The following RSRC1 variants were observed in gnomAD, a reference collection of about 807,000 sequenced individuals.
RSRC1 encodes serine/Arginine-related protein 53.
Under a neutral mutation model 49.1 loss-of-function variants are expected in RSRC1, and 39 were observed. The observed-to-expected ratio is 0.79, with a 90% confidence interval of 0.61 to 1.04. The LOEUF is 1.04. Ranked by LOEUF, RSRC1 falls within the 50% of genes least tolerant of loss-of-function variation. RSRC1 has a pLI of 0.00. For synonymous variants in RSRC1, 143 were observed against 130.8 expected, an observed-to-expected ratio of 1.09 and a Z score of -0.63; for missense variants, 388 against 402.4, an observed-to-expected ratio of 0.96 and a Z score of 0.31.
At chr3:158,344,236 C>G (rs1730424222) in intron 5 of RSRC1, among the ~76,000 whole-genome samples, 1 of 151,886 alleles carries the variant, frequency 6.6e-6, no homozygotes, top group Admixed American at 6.6e-5. Flanking sequence ...TTCAGCCTAG[C>G]CGACAGAGCA....
At chr3:158,466,321 A>G (rs1326218332) in intron 7 of RSRC1, among the ~76,000 whole-genome samples, 1 of 152,202 alleles carries the variant, frequency 6.6e-6, no homozygotes, top group African/African-American at 2.4e-5. Context: ...TGTACATGAA[A>G]TGCAGATATA....
intron 3 of RSRC1, among the ~76,000 whole-genome samples, chr3:158,200,601 T>G (rs977993438): frequency 1.2e-4 from 18 of 152,154 alleles, no homozygotes; most frequent in African/African-American, 3.4e-4. Context: ...TAATGAGTAT[T>G]TTTAATAATT....
chr3:158,321,258 T>C (rs1178383695), intron 5 of RSRC1, among the ~76,000 whole-genome samples: 1 of 140,420 alleles, frequency 7.1e-6, no homozygotes, highest in Non-Finnish European at 1.5e-5. Context: ...TTCCTTCTTC[T>C]TCTTTTTCTT....
chr3:158,337,216 C>T (rs1411174283), intron 5 of RSRC1, among the ~76,000 whole-genome samples: 1 of 152,216 alleles, frequency 6.6e-6, no homozygotes, highest in Non-Finnish European at 1.5e-5. Context: ...ATCCTCATTC[C>T]ACATCCTCAT....
At chr3:158,404,049 TC>T (rs1248554893) in intron 6 of RSRC1, among the ~76,000 whole-genome samples, 2 of 151,910 alleles carry the variant, frequency 1.3e-5, no homozygotes, top group Admixed American at 6.6e-5. Flanking sequence ...TAAACATTTT[TC>T]TTTAAAGACA....
At chr3:158,112,515 CAAAG>C (rs1322260266) in intron 1 of RSRC1, among the ~76,000 whole-genome samples, 2 of 152,132 alleles carry the variant, frequency 1.3e-5, no homozygotes, top group Non-Finnish European at 2.9e-5. Flanking sequence ...TTAACTATAA[CAAAG>C]AAATATGGTG....
At chr3:158,173,897 G>T (rs1334191173) in intron 3 of RSRC1, among the ~76,000 whole-genome samples, 1 of 151,604 alleles carries the variant, frequency 6.6e-6, no homozygotes, top group Non-Finnish European at 1.5e-5. Context: ...AAATATTCAG[G>T]AAAAAACAGT....
intron 3 of RSRC1, among the ~76,000 whole-genome samples, chr3:158,172,491 A>G (rs997599646): frequency 2.6e-5 from 4 of 152,210 alleles, no homozygotes; most frequent in African/African-American, 9.6e-5. Context: ...CAACTTTAAC[A>G]TACTGTGTTG....
chr3:158,184,384 C>T (rs1228990078), intron 3 of RSRC1, among the ~76,000 whole-genome samples: 1 of 152,068 alleles, frequency 6.6e-6, no homozygotes, highest in Non-Finnish European at 1.5e-5. Context: ...TCCTCTTGTC[C>T]CTGAGCATAT....
chr3:158,484,373 A>G (rs1404851164), intron 7 of RSRC1, among the ~76,000 whole-genome samples: 1 of 152,146 alleles, frequency 6.6e-6, no homozygotes, highest in Non-Finnish European at 1.5e-5. Flanking sequence ...AGAATAAATG[A>G]GTACAAACAA....
chr3:158,410,352 T>G (rs1353626560), intron 6 of RSRC1, among the ~76,000 whole-genome samples: 1 of 152,176 alleles, frequency 6.6e-6, no homozygotes, highest in Non-Finnish European at 1.5e-5. Context: ...AATTTAGGCT[T>G]ATTATTAAAG....
At chr3:158,140,533 A>G (rs1419445371) in intron 3 of RSRC1, among the ~76,000 whole-genome samples, 1 of 152,210 alleles carries the variant, frequency 6.6e-6, no homozygotes, top group Non-Finnish European at 1.5e-5. Context: ...CTCTTATTTT[A>G]TGAGTGTAAT....
chr3:158,327,754 G>C (rs1398424751), intron 5 of RSRC1, among the ~76,000 whole-genome samples: 2 of 152,142 alleles, frequency 1.3e-5, no homozygotes, highest in Non-Finnish European at 2.9e-5. Context: ...AGGTCTGCTT[G>C]GTGAAGAGCT....
chr3:158,362,373 C>A (rs1731525996), intron 6 of RSRC1, among the ~76,000 whole-genome samples: 1 of 152,128 alleles, frequency 6.6e-6, no homozygotes, highest in Admixed American at 6.5e-5. Context: ...AAAACTTCTA[C>A]ATCTTTCCCA....
intron 6 of RSRC1, among the ~76,000 whole-genome samples, chr3:158,430,406 T>C (rs923633489): frequency 6.6e-6 from 1 of 151,860 alleles, no homozygotes. Context: ...ATATTTGTGT[T>C]TTTCTTTAAA....
intron 7 of RSRC1, among the ~76,000 whole-genome samples, chr3:158,530,296 G>T (rs1287218009): frequency 6.6e-6 from 1 of 151,796 alleles, no homozygotes; most frequent in African/African-American, 2.4e-5. Flanking sequence ...CCCTATCGCT[G>T]TGTGGAGCAC....
At position 158,495,451 on chromosome 3, in the gene RSRC1, AT is replaced by A. The variant is rs1221809540; in HGVS notation, c.652+34453del. 3.9e-5 allele frequency among the ~76,000 whole-genome samples: 6 copies of A among 151,922 alleles called. No individual in the cohort carries two copies. The East Asian group carries it at 1.2e-3, about 29-fold the overall frequency. On this transcript the variant is annotated intron_variant, in intron 7 of 9. Transcript: ENST00000611884. ...AGGCATGTGCCATCATGCCTGGCTAATTTTTGTACTTTTTGGTAGAGACAGG... is the reference window on the plus strand; with the variant it reads ...AGGCATGTGCCATCATGCCTGGCTAATTTTGTACTTTTTGGTAGAGACAGG...
chr3:158,423,631 G>A (rs1242415912), intron 6 of RSRC1, among the ~76,000 whole-genome samples: 1 of 152,136 alleles, frequency 6.6e-6, no homozygotes, highest in African/African-American at 2.4e-5. Context: ...TTGGTAGCTT[G>A]ATGGGGATGG....
intron 3 of RSRC1, among the ~76,000 whole-genome samples, chr3:158,199,228 C>T (rs1224384945): frequency 6.6e-6 from 1 of 152,158 alleles, no homozygotes; most frequent in East Asian, 1.9e-4. Context: ...GAGGCCTCCC[C>T]AGCCATGTGG....
Sources: allele counts gnomAD v4.1 joint callset (sites outside exome capture counted in the v4.1 genomes callset), GRCh38; gene constraint gnomAD v4.1.1; transcripts MANE v1.5; gene names NCBI Gene and HGNC (gene_info 2026-07-23, HGNC 2026-07-21).